CCDC149: variants seen among roughly 807,000 people sequenced by gnomAD.
CCDC149 encodes the protein coiled-coil domain containing 149, also known as coiled-coil domain-containing protein 149.
In CCDC149, 45 loss-of-function variants were observed where a neutral mutation model predicts 59.9. The ratio of observed to expected loss-of-function variants is 0.75; its 90% confidence interval spans 0.59 to 0.96. The LOEUF is 0.96. Among genes scored for constraint, CCDC149 ranks in the 40% least tolerant of loss-of-function variants. The probability of loss-of-function intolerance (pLI) is 0.00; values close to 1 mark genes in which losing one functional copy is unlikely to be tolerated. For synonymous variants in CCDC149, 245 were observed against 260.6 expected, an observed-to-expected ratio of 0.94 and a Z score of 0.58; for missense variants, 584 against 664.7, an observed-to-expected ratio of 0.88 and a Z score of 1.33.
intron 1 of CCDC149, among the ~76,000 whole-genome samples, chr4:24,953,612 T>C (rs1246582095): frequency 2.6e-5 from 4 of 152,348 alleles, no homozygotes; most frequent in Non-Finnish European, 4.4e-5. Flanking sequence ...GATTATTATA[T>C]ACAAATGTCT....
Position 24,905,081 on chromosome 4 carries a change from T to C in CCDC149, c.63+7736A>G, listed in dbSNP as rs552311931. On this transcript the variant is annotated intron_variant, in intron 1 of 12. Coordinates refer to ENST00000635206, the MANE Select transcript of CCDC149 (RefSeq NM_001330643.2). ...CATGCCTGCCTAATTTTTGTATTTT[T>C]AGTAGAGACAGGGTTTCACCATGTT... Among the ~76,000 whole-genome samples, 4 of 152,182 alleles carry C rather than the reference T, an allele frequency of 2.6e-5. No individual in the cohort carries two copies. The East Asian group carries it at 7.7e-4, about 29-fold the overall frequency.
At chr4:24,852,287 T>TGCACACACAC (rs1553851403) in intron 4 of CCDC149, among the ~76,000 whole-genome samples, 7 of 121,282 alleles carry the variant, frequency 5.8e-5, no homozygotes, top group Non-Finnish European at 1.0e-4. Flanking sequence ...CAACACACCA[T>TGCACACACAC]ACACACACAC....
At chr4:24,953,026 C>T (rs1024209400) in intron 1 of CCDC149, among the ~76,000 whole-genome samples, 15 of 152,098 alleles carry the variant, frequency 9.9e-5, no homozygotes, top group Non-Finnish European at 1.5e-4. Flanking sequence ...ACTGACAATA[C>T]TGGGCTGCTC....
intron 1 of CCDC149, among the ~76,000 whole-genome samples, chr4:24,935,595 A>G (rs1395907163): frequency 6.6e-6 from 1 of 152,186 alleles, no homozygotes; most frequent in Non-Finnish European, 1.5e-5. Context: ...TGCCCCTTCC[A>G]TCACGTGAGG....
At chr4:24,912,591 C>G (rs1345443320) in intron 1 of CCDC149, among the ~76,000 whole-genome samples, 1 of 152,212 alleles carries the variant, frequency 6.6e-6, no homozygotes, top group Admixed American at 6.5e-5. Flanking sequence ...AGGCCCCTCC[C>G]CAAAGGCTGA....
chr4:24,968,843 G>C (rs1217079150), intron 1 of CCDC149, among the ~76,000 whole-genome samples: 3 of 152,188 alleles, frequency 2.0e-5, no homozygotes, highest in Non-Finnish European at 4.4e-5. Context: ...ATACAGAAGT[G>C]GCTAGTTGGC....
intron 1 of CCDC149, among the ~76,000 whole-genome samples, chr4:24,940,288 C>A (rs1191344437): frequency 2.0e-5 from 3 of 152,038 alleles, no homozygotes; most frequent in Admixed American, 1.3e-4. Context: ...TCATATCCAG[C>A]CAAACTAAGC....
chr4:24,911,103 T>G (rs1335154110), intron 1 of CCDC149, among the ~76,000 whole-genome samples: 1 of 152,140 alleles, frequency 6.6e-6, no homozygotes, highest in Non-Finnish European at 1.5e-5. Flanking sequence ...CAACAAGCAT[T>G]TTTCGAGCAC....
rs149794737 is a variant in CCDC149, at chr4:24,970,179, C to T, written c.-65+9890G>A. Among the ~76,000 whole-genome samples, 59 of 152,298 alleles carry T rather than the reference C, an allele frequency of 3.9e-4. No individual in the cohort carries two copies. The East Asian group carries it at 9.3e-3, about 24-fold the overall frequency. Reference sequence around the variant, plus strand: ...GTATCTGTGCCTACTCAGTCATTTCCGTCATAGGTTAACATGCTCCAACTG... The same window carrying T: ...GTATCTGTGCCTACTCAGTCATTTCTGTCATAGGTTAACATGCTCCAACTG... On this transcript the variant is annotated intron_variant, in intron 1 of 12. Transcript: ENST00000389609.
chr4:24,883,646 C>G (rs114299956), intron 1 of CCDC149, among the ~76,000 whole-genome samples: 2 of 152,112 alleles, frequency 1.3e-5, no homozygotes, highest in African/African-American at 2.4e-5. Flanking sequence ...CCTGCTGCCC[C>G]CTACATTGAG....
At position 24,845,189 on chromosome 4, in the gene CCDC149, G is replaced by A. The variant is rs142557596; in HGVS notation, c.373-6917C>T. On this transcript the variant is annotated intron_variant, in intron 4 of 12. Transcript: ENST00000635206. ...TATTTAATCCTCACAAAAGGCAAAC[G>A]GCATGCCTTCCCGCACCAAGCCCCT... 9.2e-5 allele frequency among the ~76,000 whole-genome samples: 14 copies of A among 152,226 alleles called. No individual in the cohort carries two copies. In the East Asian group the frequency reaches 2.1e-3, roughly 23 times the overall value.
chr4:24,873,286 T>C (rs940182614), intron 3 of CCDC149, among the ~76,000 whole-genome samples: 12 of 152,104 alleles, frequency 7.9e-5, no homozygotes, highest in Admixed American at 3.9e-4. Context: ...GTCCACTGAA[T>C]GGTATGCACC....
chr4:24,976,796 A>G (rs1197470935), intron 1 of CCDC149, among the ~76,000 whole-genome samples: 1 of 152,146 alleles, frequency 6.6e-6, no homozygotes, highest in Non-Finnish European at 1.5e-5. Flanking sequence ...ATGTTCCCAG[A>G]AGTGTTGTCA....
intron 1 of CCDC149, among the ~76,000 whole-genome samples, chr4:24,886,014 G>A (rs984992888): frequency 6.6e-6 from 1 of 152,120 alleles, no homozygotes; most frequent in Non-Finnish European, 1.5e-5. Flanking sequence ...TGGCCACTAT[G>A]AAATAGGTTG....
chr4:24,953,697 TG>T (rs1203773575), intron 1 of CCDC149, among the ~76,000 whole-genome samples: 4 of 152,142 alleles, frequency 2.6e-5, no homozygotes, highest in African/African-American at 9.7e-5. Flanking sequence ...CAGCAGAAAC[TG>T]TCCCTGAAAA....
At chr4:24,926,303 A>G (rs1722432712) in intron 1 of CCDC149, among the ~76,000 whole-genome samples, 1 of 152,266 alleles carries the variant, frequency 6.6e-6, no homozygotes, top group Non-Finnish European at 1.5e-5. Flanking sequence ...TTTGCCTGAA[A>G]TCAAGTTTAA....
intron 4 of CCDC149, among the ~76,000 whole-genome samples, chr4:24,846,056 T>C (rs1717267374): frequency 6.6e-6 from 1 of 152,244 alleles, no homozygotes; most frequent in African/African-American, 2.4e-5. Flanking sequence ...ATGGGATGAA[T>C]ATCTGAAAAC....
chr4:24,846,344 G>A (rs1386240288), intron 4 of CCDC149, among the ~76,000 whole-genome samples: 1 of 152,130 alleles, frequency 6.6e-6, no homozygotes, highest in Non-Finnish European at 1.5e-5. Flanking sequence ...TTTCTATAGT[G>A]CCCCAAGGCG....
At chr4:24,943,814 G>T (rs1430724156) in intron 1 of CCDC149, among the ~76,000 whole-genome samples, 1 of 152,200 alleles carries the variant, frequency 6.6e-6, no homozygotes, top group African/African-American at 2.4e-5. Context: ...ATGAAACAAT[G>T]CTCATCATCA....
Sources: gnomAD v4.1 joint callset for allele counts (sites outside exome capture counted in the v4.1 genomes callset) on GRCh38, gnomAD v4.1.1 for gene constraint, MANE v1.5 for transcripts, NCBI Gene and HGNC (gene_info 2026-07-23, HGNC 2026-07-21) for gene names.